Variants in MORF4L1 observed in about 807,000 individuals in gnomAD.
The protein encoded by MORF4L1 is mortality factor 4-like protein 1.
Under a neutral mutation model 52.9 loss-of-function variants are expected in MORF4L1, and 4 were observed. That is an observed-to-expected ratio of 0.08 (90% CI 0.04 to 0.17). The LOEUF is 0.17. Among genes scored for constraint, MORF4L1 ranks in the 10% least tolerant of loss-of-function variants. The pLI is 1.00. For missense variants in MORF4L1, 214 were observed against 390.4 expected (o/e 0.55, Z 3.81); for synonymous variants, 123 against 134.8 (o/e 0.91, Z 0.61).
intron 10 of MORF4L1, 51 bp downstream of exon 10, chr15:78,894,281 CTAAA>C (rs777031815): frequency 9.7e-5 from 139 of 1,436,006 alleles, no homozygotes; most frequent in Middle Eastern, 1.8e-4. Context: ...GGGGTCTTCT[CTAAA>C]TGAATAAGAG....
intron 8 of MORF4L1, 79 bp downstream of exon 8, chr15:78,892,392 T>TA: frequency 1.1e-6 from 1 of 908,066 alleles, no homozygotes; most frequent in Non-Finnish European, 1.8e-6. Flanking sequence ...AGGAAAATGT[T>TA]ATATTGACTT....
chr15:78,873,471 T>G (rs2056411336), intron 1 of MORF4L1, among the ~76,000 whole-genome samples: 1 of 151,894 alleles, frequency 6.6e-6, no homozygotes, highest in African/African-American at 2.4e-5. Flanking sequence ...CCCGGCCGCT[T>G]GGGCAGCTAC....
intron 5 of MORF4L1, among the ~76,000 whole-genome samples, chr15:78,888,170 A>G (rs925174089): frequency 1.3e-5 from 2 of 152,184 alleles, no homozygotes; most frequent in African/African-American, 4.8e-5. Context: ...GTATGTTTAA[A>G]GTTTATGTAG....
At chr15:78,892,366 C>A in intron 8 of MORF4L1, 53 bp downstream of exon 8, 2 of 1,336,760 alleles carry the variant, frequency 1.5e-6, no homozygotes, top group South Asian at 1.3e-5. Flanking sequence ...TTCTTGCTAG[C>A]AAAAAAAGTT....
intron 5 of MORF4L1, among the ~76,000 whole-genome samples, chr15:78,887,723 A>C (rs753144044): frequency 2.6e-5 from 4 of 152,226 alleles, no homozygotes; most frequent in Non-Finnish European, 5.9e-5. Context: ...CATGGTAAGA[A>C]TATGTGAGAA....
intron 5 of MORF4L1, among the ~76,000 whole-genome samples, chr15:78,889,209 A>G (rs1335813429): frequency 6.6e-6 from 1 of 152,178 alleles, no homozygotes; most frequent in Non-Finnish European, 1.5e-5. Flanking sequence ...CTGGCTTCTG[A>G]GTCTTTTGAA....
chr15:78,895,651 T>A (rs534085705), intron 11 of MORF4L1, among the ~76,000 whole-genome samples: 1 of 152,360 alleles, frequency 6.6e-6, no homozygotes, highest in East Asian at 1.9e-4. Flanking sequence ...ATGGTGTAAT[T>A]GTTACTTGTA....
intron 8 of MORF4L1, 97 bp downstream of exon 8, chr15:78,892,410 T>A: frequency 1.3e-6 from 1 of 751,576 alleles, no homozygotes; most frequent in Non-Finnish European, 2.3e-6. Flanking sequence ...CTTGAATTAT[T>A]AAGGTATGAC....
rs1358128385 is a variant in MORF4L1, at chr15:78,877,112, GATTT to G, written c.41-1100_41-1097del. On this transcript the variant is annotated intron_variant, in intron 1 of 11. Coordinates refer to ENST00000426013, the MANE Select transcript of MORF4L1 (RefSeq NM_006791.4). ...AAGGTGCACATCACCACGCCCGGCTGATTTTTTTTTTTTTTTTTTTTTTTTTTTG... is the reference window on the plus strand; with the variant it reads ...AAGGTGCACATCACCACGCCCGGCTGTTTTTTTTTTTTTTTTTTTTTTTTG... Among the ~76,000 whole-genome samples the G allele has an allele frequency of 1.2e-3, 111 of 94,488 alleles. 1 individual carries two copies. Among genetic ancestry groups the G allele is most frequent in the African/African-American group, 4.3e-3 (101 of 23,596 alleles). The allele number at this position is 94,488 out of a possible 152,430, so 62.0% of individuals were successfully genotyped here. A position where few individuals can be genotyped will look rare whatever the true frequency, so the allele number is the denominator to read the frequency against.
chr15:78,891,404 G>T (rs2056798952), intron 6 of MORF4L1, 80 bp from the exon 7 acceptor site: 1 of 1,043,348 alleles, frequency 9.6e-7, no homozygotes. Context: ...AATGAAAAGG[G>T]TTAATGTGTC....
intron 7 of MORF4L1, among the ~76,000 whole-genome samples, 169 bp from the exon 8 acceptor site, chr15:78,892,043 G>A (rs894824344): frequency 6.6e-6 from 1 of 152,124 alleles, no homozygotes; most frequent in Admixed American, 6.5e-5. Context: ...TCTCCCAACA[G>A]CGAACCGCGT....
chr15:78,897,226 A>T lies in MORF4L1; in HGVS notation c.*159A>T. 3.7e-6 allele frequency: 2 copies of T among 541,730 alleles called. No individual in the cohort carries two copies. The highest frequency in any genetic ancestry group is 6.6e-6 in the Non-Finnish European group (2 of 304,190). The allele number at this position is 541,730 out of a possible 1,614,324, so 33.6% of individuals were successfully genotyped here. A position where few individuals can be genotyped will look rare whatever the true frequency, so the allele number is the denominator to read the frequency against. ...CAGAGAAAAAATAAAAGGGGGTAAT[A>T]GCTCCTTTTTTCTTCTTTCTTTTTT... On this transcript the variant is annotated 3_prime_UTR_variant, in exon 12 of 12. Transcript: ENST00000426013.
intron 8 of MORF4L1, among the ~76,000 whole-genome samples, chr15:78,893,246 C>T (rs72749235): frequency 3.3e-4 from 50 of 152,276 alleles, no homozygotes; most frequent in South Asian, 1.0e-3. Context: ...CTGTGCTGTT[C>T]TGTCTAGTAG....
At chr15:78,873,198 G>A in intron 1 of MORF4L1, 141 bp downstream of exon 1, 1 of 1,515,918 alleles carries the variant, frequency 6.6e-7, no homozygotes, top group Admixed American at 2.6e-5. Flanking sequence ...CGGGGAAAGC[G>A]CATTGCGGAT....
chr15:78,873,214 T>C (rs2056402635), intron 1 of MORF4L1, 157 bp downstream of exon 1: 1 of 1,514,170 alleles, frequency 6.6e-7, no homozygotes, highest in Non-Finnish European at 8.8e-7. Context: ...CGGATGGCAA[T>C]TCCGGTGCGT....
intron 11 of MORF4L1, 110 bp downstream of exon 11, chr15:78,895,014 A>G (rs2056863311): frequency 4.8e-6 from 4 of 834,566 alleles, no homozygotes; most frequent in Non-Finnish European, 7.9e-6. Context: ...ACAGGCATAG[A>G]TAGTTGGTAA....
intron 8 of MORF4L1, 176 bp downstream of exon 8, chr15:78,892,489 G>T (rs1316313032): frequency 2.1e-6 from 1 of 473,676 alleles, no homozygotes; most frequent in Non-Finnish European, 3.8e-6. Flanking sequence ...TAAGTTAGAA[G>T]AATAAAAGTT....
chr15:78,883,229 G>T (rs969549011), intron 3 of MORF4L1, among the ~76,000 whole-genome samples: 1 of 146,868 alleles, frequency 6.8e-6, no homozygotes, highest in African/African-American at 2.5e-5. Context: ...AAAAAAAAGC[G>T]ATTGAACACA....
At chr15:78,880,274 T>G (rs1365082567) in intron 2 of MORF4L1, among the ~76,000 whole-genome samples, 1 of 152,388 alleles carries the variant, frequency 6.6e-6, no homozygotes, top group East Asian at 1.9e-4. Flanking sequence ...GGATAGCTTT[T>G]GTAATCCATT....
Sources: allele counts gnomAD v4.1 joint callset (sites outside exome capture counted in the v4.1 genomes callset), GRCh38; gene constraint gnomAD v4.1.1; transcripts MANE v1.5; gene names NCBI Gene and HGNC (gene_info 2026-07-23, HGNC 2026-07-21).